TMEM132C: variants seen among roughly 807,000 people sequenced by gnomAD.
TMEM132C encodes the protein transmembrane protein 132C.
Under a neutral mutation model 61.4 loss-of-function variants are expected in TMEM132C, and 29 were observed. The observed-to-expected ratio is 0.47, with a 90% CI of 0.35 to 0.64. The LOEUF is 0.64. TMEM132C is among the 30% of genes least tolerant of loss of function. TMEM132C has a pLI of 0.00. For missense variants in TMEM132C, 1,408 were observed against 1,476.9 expected (o/e 0.95, Z 0.76); for synonymous variants, 656 against 633.1 (o/e 1.04, Z -0.54).
chr12:128,273,151 T>C (rs1378499603), intron 1 of TMEM132C, among the ~76,000 whole-genome samples: 1 of 152,052 alleles, frequency 6.6e-6, no homozygotes, highest in Non-Finnish European at 1.5e-5. Flanking sequence ...GAGAGAAGAG[T>C]ATTGAGGTCT....
At chr12:128,576,110 C>G (rs572158954) in intron 3 of TMEM132C, among the ~76,000 whole-genome samples, 1 of 152,142 alleles carries the variant, frequency 6.6e-6, no homozygotes, top group Non-Finnish European at 1.5e-5. Context: ...CAAAAATTAG[C>G]TGGGCTTGGT....
intron 4 of TMEM132C, among the ~76,000 whole-genome samples, chr12:128,664,521 AG>A (rs1183745061): frequency 1.3e-5 from 2 of 152,228 alleles, no homozygotes; most frequent in Non-Finnish European, 2.9e-5. Flanking sequence ...TAATACAAAA[AG>A]CTTCCAAGTC....
intron 5 of TMEM132C, among the ~76,000 whole-genome samples, chr12:128,679,071 G>A (rs1027815590): frequency 6.6e-5 from 10 of 152,184 alleles, no homozygotes; most frequent in African/African-American, 2.4e-4. Context: ...ATATTGCATA[G>A]ATGCTACTCA....
At chr12:128,295,041 C>CA (rs10653858) in intron 1 of TMEM132C, among the ~76,000 whole-genome samples, 8,384 of 148,522 alleles carry the variant, frequency 0.056, 763 homozygotes, top group African/African-American at 0.19. Context: ...TGTCCCCCAG[C>CA]AAAAAAAAAA....
chr12:128,612,477 A>T (rs752767079), intron 3 of TMEM132C, among the ~76,000 whole-genome samples: 4 of 152,172 alleles, frequency 2.6e-5, no homozygotes, highest in Admixed American at 2.0e-4. Flanking sequence ...GGAGCTACAG[A>T]ATGTTCCAAA....
At chr12:128,398,529 A>G (rs1401484989) in intron 1 of TMEM132C, among the ~76,000 whole-genome samples, 2 of 152,214 alleles carry the variant, frequency 1.3e-5, no homozygotes, top group Non-Finnish European at 2.9e-5. Flanking sequence ...GATGTGAAAA[A>G]TAAGAAATGA....
rs578117491 is a variant in TMEM132C at position 128,582,246 on chromosome 12, G to A, written c.1122-33906G>A. Among the ~76,000 whole-genome samples the A allele has an allele frequency of 2.0e-5, 3 of 152,300 alleles. No individual in the cohort carries two copies. The South Asian group carries it at 6.2e-4, about 32-fold the overall frequency. ...AAAATTGCCATTAAACCTGGGAAAA[G>A]ATATTCATACCACTGGGAATTAAGG... On this transcript the variant is annotated intron_variant, in intron 3 of 8. Transcript: ENST00000435159.
intron 3 of TMEM132C, among the ~76,000 whole-genome samples, chr12:128,548,651 C>T (rs934248776): frequency 6.6e-6 from 1 of 152,124 alleles, no homozygotes; most frequent in African/African-American, 2.4e-5. Flanking sequence ...ACAAATTTGT[C>T]ACAATCATGC....
chr12:128,293,714 C>T (rs1566045497), intron 1 of TMEM132C, among the ~76,000 whole-genome samples: 1 of 152,098 alleles, frequency 6.6e-6, no homozygotes. Flanking sequence ...CTCCCAACCT[C>T]CTAAGGTCGA....
At chr12:128,426,934 T>C (rs1214231461) in intron 2 of TMEM132C, among the ~76,000 whole-genome samples, 2 of 152,216 alleles carry the variant, frequency 1.3e-5, no homozygotes, top group Non-Finnish European at 2.9e-5. Flanking sequence ...CACAGCTTTG[T>C]CTGTTGTGAA....
chr12:128,517,903 T>G (rs899082010), intron 2 of TMEM132C, among the ~76,000 whole-genome samples: 7 of 152,070 alleles, frequency 4.6e-5, no homozygotes, highest in African/African-American at 1.7e-4. Context: ...CTCAGACAGA[T>G]CCAAAAGGGG....
intron 1 of TMEM132C, among the ~76,000 whole-genome samples, chr12:128,379,441 A>C (rs1874331894): frequency 6.6e-6 from 1 of 152,220 alleles, no homozygotes; most frequent in Non-Finnish European, 1.5e-5. Context: ...AATGGCAACA[A>C]ACTGCATGAC....
chr12:128,637,613 G>A (rs903687582), intron 4 of TMEM132C, among the ~76,000 whole-genome samples: 3 of 152,034 alleles, frequency 2.0e-5, no homozygotes, highest in Admixed American at 6.5e-5. Context: ...TACATTGCCC[G>A]GGCTGGCCTG....
At chr12:128,520,233 C>A (rs139708819) in intron 2 of TMEM132C, among the ~76,000 whole-genome samples, 35 of 152,326 alleles carry the variant, frequency 2.3e-4, no homozygotes, top group African/African-American at 7.7e-4. Context: ...CAGCAGTCCA[C>A]GTATCACCCC....
intron 1 of TMEM132C, among the ~76,000 whole-genome samples, chr12:128,283,580 G>A (rs973795461): frequency 6.6e-6 from 1 of 151,354 alleles, no homozygotes; most frequent in Admixed American, 6.6e-5. Flanking sequence ...ACCTATCCTA[G>A]CTATCTACTG....
chr12:128,283,834 G>A (rs771294276), intron 1 of TMEM132C, among the ~76,000 whole-genome samples: 10 of 151,950 alleles, frequency 6.6e-5, no homozygotes, highest in African/African-American at 1.5e-4. Flanking sequence ...CCCTGATGCC[G>A]CCTGTCCTCC....
intron 2 of TMEM132C, among the ~76,000 whole-genome samples, chr12:128,485,990 TC>T (rs1228679161): frequency 6.6e-6 from 1 of 152,180 alleles, no homozygotes; most frequent in South Asian, 2.1e-4. Flanking sequence ...AAAAATGGCT[TC>T]TCCCTGGATA....
At chr12:128,368,565 A>G (rs1873938218) in intron 1 of TMEM132C, among the ~76,000 whole-genome samples, 1 of 152,222 alleles carries the variant, frequency 6.6e-6, no homozygotes, top group Non-Finnish European at 1.5e-5. Context: ...TATTACAATG[A>G]TGACCATCCT....
At chr12:128,698,329 G>T (rs1412389828) in intron 8 of TMEM132C, among the ~76,000 whole-genome samples, 1 of 152,210 alleles carries the variant, frequency 6.6e-6, no homozygotes, top group Admixed American at 6.5e-5. Context: ...GGGCTCGTCT[G>T]ACCCTAACAA....
Sources: allele counts gnomAD v4.1 joint callset (sites outside exome capture counted in the v4.1 genomes callset), GRCh38; gene constraint gnomAD v4.1.1; transcripts MANE v1.5; gene names NCBI Gene and HGNC (gene_info 2026-07-23, HGNC 2026-07-21).